ZKSCAN7: variants seen among roughly 807,000 people sequenced by gnomAD.
ZKSCAN7 encodes the protein zinc finger with KRAB and SCAN domains 7.
ZKSCAN7 carries 38 observed loss-of-function variants against 65.3 expected under a neutral mutation model. The observed-to-expected ratio is 0.58, with a 90% CI of 0.45 to 0.76. The LOEUF is 0.76. Among genes scored for constraint, ZKSCAN7 ranks in the 30% least tolerant of loss-of-function variants. The pLI, the probability that ZKSCAN7 is intolerant of heterozygous loss-of-function variation, is 0.00. For missense variants in ZKSCAN7, 815 were observed against 913.3 expected, an observed-to-expected ratio of 0.89 and a Z score of 1.39; for synonymous variants, 321 against 321.0, an observed-to-expected ratio of 1.00 and a Z score of 0.00.
chr3:44,580,587 A>T (rs2125736589), intron 5 of ZKSCAN7: 2 of 1,613,796 alleles, frequency 1.2e-6, no homozygotes, highest in South Asian at 2.2e-5. Context: ...CCGGGGATAG[A>T]CCATGAGCAT....
At chr3:44,581,075 C>G (rs1394613943) in intron 5 of ZKSCAN7, 1 of 1,253,908 alleles carries the variant, frequency 8.0e-7, no homozygotes, top group African/African-American at 1.7e-5. Flanking sequence ...CCTGGCGCTC[C>G]CGGCGGGCTA....
intron 2 of ZKSCAN7, among the ~76,000 whole-genome samples, chr3:44,559,046 C>T (rs553714407): frequency 2.6e-4 from 40 of 152,016 alleles, no homozygotes; most frequent in African/African-American, 9.2e-4. Flanking sequence ...CAAAGCACTG[C>T]GATTACAGGC....
chr3:44,582,164 G>C (rs1378806823), intron 5 of ZKSCAN7, among the ~76,000 whole-genome samples: 1 of 152,208 alleles, frequency 6.6e-6, no homozygotes, highest in Non-Finnish European at 1.5e-5. Context: ...AGTGGTGCTA[G>C]TACTTGATCC....
rs529917305 is a variant in ZKSCAN7 at position 44,557,426 on chromosome 3, G to A, written c.379G>A (p.Ala127Thr). 6.2e-7 allele frequency: 1 copy of A among 1,614,236 alleles called. No individual in the cohort carries two copies. Among genetic ancestry groups the A allele is most frequent in the Non-Finnish European group, 8.5e-7 (1 of 1,180,044 alleles). The change falls in exon 2 of 6, where the codon GCT (alanine) becomes ACT (threonine). Residue 127 changes from alanine (A) to threonine (T), a missense_variant. By Grantham distance (58) the Ala-to-Thr change is moderately conservative. Coordinates refer to ENST00000426540, the MANE Select transcript of ZKSCAN7 (RefSeq NM_001288590.2). ...CCCTGAGAGTGGTGAGGAGGCTGTGGCTGTGGTGGAGGATTTCCAGAGACA... is the reference window on the plus strand; with the variant it reads ...CCCTGAGAGTGGTGAGGAGGCTGTGACTGTGGTGGAGGATTTCCAGAGACA... ...HHPESGEEAV[A>T]VVEDFQRHLS...
At chr3:44,580,276 G>C (rs1011357602) in intron 5 of ZKSCAN7, 1 of 1,613,886 alleles carries the variant, frequency 6.2e-7, no homozygotes, top group East Asian at 2.2e-5. Flanking sequence ...CAGTCCATGC[G>C]GTCGCTACTC....
At chr3:44,562,952 A>G (rs1699524400) in intron 2 of ZKSCAN7, among the ~76,000 whole-genome samples, 1 of 152,066 alleles carries the variant, frequency 6.6e-6, no homozygotes, top group Non-Finnish European at 1.5e-5. Context: ...CCTGGGTGAC[A>G]GAATGAGACT....
At chr3:44,558,017 T>C (rs977482005) in intron 2 of ZKSCAN7, among the ~76,000 whole-genome samples, 1 of 152,226 alleles carries the variant, frequency 6.6e-6, no homozygotes, top group African/African-American at 2.4e-5. Flanking sequence ...CTTGCAAATG[T>C]AATACCAAGG....
At chr3:44,581,157 G>C (rs1405507645) in intron 5 of ZKSCAN7, 1 of 913,664 alleles carries the variant, frequency 1.1e-6, no homozygotes, top group Non-Finnish European at 1.3e-6. Context: ...CCTTCCCTGC[G>C]GGCGGCTCGC....
chr3:44,573,267 T>C (rs891764214), downstream of ZKSCAN7, among the ~76,000 whole-genome samples: 2 of 152,190 alleles, frequency 1.3e-5, no homozygotes, highest in Admixed American at 1.3e-4. Flanking sequence ...TCTACCTCCT[T>C]CTCTTTCCAT....
rs1559420116 is a variant in ZKSCAN7, at chr3:44,555,255, G to T, written c.-345G>T. The T allele has an allele frequency of 6.6e-6, 1 of 152,270 alleles. No homozygotes were observed. The highest frequency in any genetic ancestry group is 1.5e-5 in the Non-Finnish European group (1 of 68,058). The allele number at this position is 152,270 out of a possible 1,614,324, so 9.4% of individuals were successfully genotyped here. A position where few individuals can be genotyped will look rare whatever the true frequency, so the allele number is the denominator to read the frequency against. ...GTAGAGTGTCCGGCTTCGGTGCCGA[G>T]TGCCACCGCGAGTGGGCCGAGACGC... On this transcript the variant is annotated 5_prime_UTR_variant, in exon 1 of 6. Coordinates refer to ENST00000426540, the MANE Select transcript of ZKSCAN7 (RefSeq NM_001288590.2).
chr3:44,580,613 G>T, intron 5 of ZKSCAN7: 1 of 1,613,886 alleles, frequency 6.2e-7, no homozygotes, highest in Non-Finnish European at 8.5e-7. Context: ...GCCACCCACT[G>T]ACGATCTCCT....
rs1038319092 is a variant in ZKSCAN7, at chr3:44,571,198, T to TG, written c.2091dup (p.Lys698GlufsTer4). The TG allele has an allele frequency of 1.9e-6, 3 of 1,614,072 alleles. No homozygotes were observed. The African/African-American group carries it at 4.0e-5, about 22-fold the overall frequency. On this transcript the variant is annotated frameshift_variant, in exon 6 of 6. Transcript: ENST00000426540. LOFTEE classifies it high-confidence loss of function. ...AAAAACCCTATAAATGCAATGATTG[T>TG]GGGAAAGCTTTTAGTGACAGCTCAC...
In ZKSCAN7 at chr3:44,577,290, T is replaced by G. The variant is rs956977129; in HGVS notation, c.812-5682T>G. ...GCCCAAATAACCAATTCTTTTTTTT[T>G]TTGTTTTTTTTTAGGAATGGTTGCT... On this transcript the variant is annotated intron_variant, in intron 5 of 5. Coordinates refer to the ZKSCAN7 transcript ENST00000341840. 5.9e-4 allele frequency among the ~76,000 whole-genome samples: 90 copies of G among 151,724 alleles called. 1 individual carries two copies. Among genetic ancestry groups the G allele is most frequent in the Non-Finnish European group, 7.2e-4 (49 of 67,904 alleles).
At chr3:44,577,825 A>G (rs2125733167) in intron 5 of ZKSCAN7, among the ~76,000 whole-genome samples, 1 of 152,342 alleles carries the variant, frequency 6.6e-6, no homozygotes, top group Non-Finnish European at 1.5e-5. Flanking sequence ...GATGACAACA[A>G]CAGCAGTAAA....
chr3:44,556,949 T>A lies in ZKSCAN7; in HGVS notation c.-99T>A, dbSNP rs1173771556. ...CTGTAGGCCACACTACCATCACCCC[T>A]TTCTCCAACCCTGAAAAACAGTTCC... On this transcript the variant is annotated 5_prime_UTR_variant, in exon 2 of 6. Coordinates refer to ENST00000426540, the MANE Select transcript of ZKSCAN7 (RefSeq NM_001288590.2). 6.5e-7 allele frequency: 1 copy of A among 1,529,238 alleles called. No homozygotes were observed. Among genetic ancestry groups the A allele is most frequent in the East Asian group, 2.2e-5 (1 of 44,450 alleles). 94.7% of individuals were successfully genotyped at this position (1,529,238 alleles called of 1,614,324 possible).
chr3:44,568,288 T>C lies in ZKSCAN7; in HGVS notation c.685-19T>C, dbSNP rs761813086. 1 of 1,609,662 alleles carries C rather than the reference T, an allele frequency of 6.2e-7. No individual in the cohort carries two copies. The highest frequency in any genetic ancestry group is 8.5e-7 in the Non-Finnish European group (1 of 1,177,948). ...TCAGGCTGTGAATGTTCCTGAGCGATTGGAGCTTGTCATTCCAGGATACTG... is the reference window on the plus strand; with the variant it reads ...TCAGGCTGTGAATGTTCCTGAGCGACTGGAGCTTGTCATTCCAGGATACTG... On this transcript the variant is annotated intron_variant, in intron 4 of 5. Transcript: ENST00000426540.
At chr3:44,579,993 G>A in intron 5 of ZKSCAN7, 3 of 1,580,542 alleles carry the variant, frequency 1.9e-6, no homozygotes, top group East Asian at 2.2e-5. Context: ...GGCTTCATTG[G>A]TGAAGTCCTG....
intron 2 of ZKSCAN7, among the ~76,000 whole-genome samples, chr3:44,562,432 G>A (rs1388193364): frequency 6.6e-6 from 1 of 152,210 alleles, no homozygotes; most frequent in African/African-American, 2.4e-5. Context: ...CCCTGGAGAC[G>A]TTTTCCCCAT....
In ZKSCAN7 at chr3:44,570,661, C is replaced by T. The variant is rs1559429260; in HGVS notation, c.1551C>T (p.His517=). ...SKSLARHQVL[H]TGKKPYKCNE... ...GTCTTGCTCGACATCAGGTCCTGCA[C>T]ACTGGTAAGAAACCTTACAAATGCA... The change falls in exon 6 of 6, where the codon CAC becomes CAT. Residue 517 remains histidine (H), a synonymous_variant. Coordinates refer to ENST00000426540, the MANE Select transcript of ZKSCAN7 (RefSeq NM_001288590.2). 2 of 1,614,014 alleles carry T rather than the reference C, an allele frequency of 1.2e-6. No individual in the cohort carries two copies. Among genetic ancestry groups the T allele is most frequent in the South Asian group, 2.2e-5 (2 of 91,078 alleles).
Sources: gnomAD v4.1 joint callset for allele counts (sites outside exome capture counted in the v4.1 genomes callset) on GRCh38, gnomAD v4.1.1 for gene constraint, MANE v1.5 for transcripts, NCBI Gene and HGNC (gene_info 2026-07-23, HGNC 2026-07-21) for gene names.